The following ZNRF3 variants were observed in gnomAD, a reference collection of about 807,000 sequenced individuals.
ZNRF3 encodes E3 ubiquitin-protein ligase ZNRF3.
Under a neutral mutation model 72.5 loss-of-function variants are expected in ZNRF3, and 23 were observed. The ratio of observed to expected loss-of-function variants is 0.32; its 90% confidence interval spans 0.23 to 0.45. The LOEUF (loss-of-function observed/expected upper bound fraction) is 0.45. ZNRF3 is among the 20% of genes least tolerant of loss of function. The pLI, the probability that ZNRF3 is intolerant of heterozygous loss-of-function variation, is 1.00. For synonymous variants in ZNRF3, 610 were observed against 545.3 expected (o/e 1.12, Z -1.65); for missense variants, 1,169 against 1,272.1 (o/e 0.92, Z 1.23).
At chr22:28,963,856 C>T (rs896033568) in intron 1 of ZNRF3, among the ~76,000 whole-genome samples, 1 of 152,132 alleles carries the variant, frequency 6.6e-6, no homozygotes, top group African/African-American at 2.4e-5. Context: ...TTCATTAAAG[C>T]CACTCCCTAA....
chr22:28,892,379 G>C (rs886425143), intron 1 of ZNRF3, among the ~76,000 whole-genome samples: 3 of 152,178 alleles, frequency 2.0e-5, no homozygotes, highest in Non-Finnish European at 2.9e-5. Flanking sequence ...GAACACCTGG[G>C]GGAGGGAATC....
At position 29,050,095 on chromosome 22, in the gene ZNRF3, T is replaced by C. The variant is rs2123888224; in HGVS notation, c.1914T>C (p.Ser638=). 1 of 1,608,606 alleles carries C rather than the reference T, an allele frequency of 6.2e-7. No individual in the cohort carries two copies. The highest frequency in any genetic ancestry group is 2.2e-5 in the East Asian group (1 of 44,826). The change falls in exon 8 of 9, where the codon AGT becomes AGC. Residue 638 remains serine, a synonymous_variant. Coordinates refer to ENST00000544604, the MANE Select transcript of ZNRF3 (RefSeq NM_001206998.2). ...CCGAGGAGCTCCCGGCGGTGCACAG[T>C]CATGGTGCTGGGCGGGGCGAGCCTT... ...PPPEELPAVH[S]HGAGRGEPWP...
chr22:28,989,365 C>G (rs1047585731), intron 2 of ZNRF3, among the ~76,000 whole-genome samples: 2 of 152,212 alleles, frequency 1.3e-5, no homozygotes, highest in African/African-American at 2.4e-5. Context: ...TCCTCCCTCT[C>G]TCTCCTGCCG....
chr22:28,961,642 C>T lies in ZNRF3; in HGVS notation c.301-25434C>T, dbSNP rs138243544. The stretch of plus-strand genomic sequence containing the variant: ...TTTGATACTCTTTAGTCTACTTTAC[C>T]TTTTCCTTCCAACAACTCTGTGAAT... On this transcript the variant is annotated intron_variant, in intron 1 of 8. Transcript: ENST00000544604. Among the ~76,000 whole-genome samples the T allele has an allele frequency of 1.5e-3, 227 of 152,256 alleles. 2 individuals carry two copies. Among genetic ancestry groups the T allele is most frequent in the African/African-American group, 5.4e-3 (224 of 41,554 alleles).
intron 1 of ZNRF3, among the ~76,000 whole-genome samples, chr22:28,919,492 CTGATGCAGG>C (rs1483895472): frequency 2.0e-5 from 3 of 151,768 alleles, no homozygotes; most frequent in Non-Finnish European, 4.4e-5. Flanking sequence ...CTCTTACCTA[CTGATGCAGG>C]TATGGAAATA....
intron 2 of ZNRF3, among the ~76,000 whole-genome samples, chr22:28,998,004 A>G (rs1424017136): frequency 6.6e-6 from 1 of 151,348 alleles, no homozygotes; most frequent in Non-Finnish European, 1.5e-5. Context: ...AAAAAAAAAA[A>G]AAAAAAAAGT....
chr22:29,043,490 T>G, intron 4 of ZNRF3, 60 bp downstream of exon 4: 2 of 1,591,160 alleles, frequency 1.3e-6, no homozygotes, highest in South Asian at 1.1e-5. Flanking sequence ...CCTGTCCCTT[T>G]ATTTCCCTTG....
rs777097749 is a variant in ZNRF3 at position 29,053,660 on chromosome 22, A to G, written c.*38A>G. On this transcript the variant is annotated 3_prime_UTR_variant, in exon 9 of 9. Transcript: ENST00000544604. ...CTCTTACCTGGAAATTGGGAACTGT[A>G]TGGAGACTCCAAACTGACTTCTTTC... The G allele has an allele frequency of 4.9e-5, 77 of 1,583,290 alleles. 2 individuals are homozygous for G. The East Asian group carries it at 1.6e-3, about 33-fold the overall frequency.
chr22:28,992,359 CAG>C (rs1443096553), intron 2 of ZNRF3, among the ~76,000 whole-genome samples: 1 of 152,100 alleles, frequency 6.6e-6, no homozygotes, highest in African/African-American at 2.4e-5. Flanking sequence ...GAACCCATGA[CAG>C]GGGTGCTGAT....
chr22:28,903,716 G>A (rs564273077), intron 1 of ZNRF3, among the ~76,000 whole-genome samples: 97 of 152,176 alleles, frequency 6.4e-4, no homozygotes, highest in African/African-American at 2.3e-3. Context: ...CCTTTCTGAA[G>A]GTGTGTTTTT....
chr22:28,980,983 A>C (rs2035753880), intron 1 of ZNRF3, among the ~76,000 whole-genome samples: 1 of 152,236 alleles, frequency 6.6e-6, no homozygotes, highest in East Asian at 1.9e-4. Flanking sequence ...TACCCATCCA[A>C]ATATTTTAAG....
At chr22:29,044,334 A>C (rs1415702496) in intron 4 of ZNRF3, among the ~76,000 whole-genome samples, 2 of 152,086 alleles carry the variant, frequency 1.3e-5, no homozygotes, top group Non-Finnish European at 2.9e-5. Context: ...ATTGTAGTGG[A>C]AGCTGATATT....
intron 1 of ZNRF3, among the ~76,000 whole-genome samples, chr22:28,980,817 C>G (rs1252961117): frequency 1.3e-5 from 2 of 152,136 alleles, no homozygotes; most frequent in Non-Finnish European, 2.9e-5. Flanking sequence ...TGGATGGAGT[C>G]TTGGTTCCAG....
chr22:28,937,215 AT>A (rs370829828), intron 1 of ZNRF3, among the ~76,000 whole-genome samples: 47 of 8,770 alleles, frequency 5.4e-3, no homozygotes, highest in Admixed American at 0.013. Flanking sequence ...ATATATATAT[AT>A]TTTTTTTTTT....
chr22:28,937,624 C>G (rs2034864539), intron 1 of ZNRF3, among the ~76,000 whole-genome samples: 1 of 152,102 alleles, frequency 6.6e-6, no homozygotes, highest in South Asian at 2.1e-4. Flanking sequence ...TGGGGTGGGG[C>G]CTGAGAATCT....
At chr22:28,986,950 T>C (rs1233184320) in intron 1 of ZNRF3, 126 bp from the exon 2 acceptor site, 6 of 1,312,296 alleles carry the variant, frequency 4.6e-6, no homozygotes, top group East Asian at 2.5e-5. Context: ...GTTGAAAAAC[T>C]GTCCCCACTC....
intron 1 of ZNRF3, among the ~76,000 whole-genome samples, chr22:28,885,649 G>C (rs574189783): frequency 7.7e-4 from 115 of 148,850 alleles, no homozygotes; most frequent in Admixed American, 2.1e-3. Flanking sequence ...TTTTGAAGGA[G>C]ACTTTTGAAG....
chr22:29,046,672 TC>T, intron 5 of ZNRF3, 43 bp from the exon 6 acceptor site: 1 of 1,497,996 alleles, frequency 6.7e-7, no homozygotes. Context: ...ACTGCCACTT[TC>T]ATACGTACTG....
intron 1 of ZNRF3, among the ~76,000 whole-genome samples, chr22:28,932,901 A>C (rs966627903): frequency 6.6e-6 from 1 of 152,162 alleles, no homozygotes; most frequent in Non-Finnish European, 1.5e-5. Context: ...TCTCTAAGAG[A>C]TACTGTCTGT....
Sources: allele counts gnomAD v4.1 joint callset (sites outside exome capture counted in the v4.1 genomes callset), GRCh38; gene constraint gnomAD v4.1.1; transcripts MANE v1.5; gene names NCBI Gene and HGNC (gene_info 2026-07-23, HGNC 2026-07-21).